Variants in ZC2HC1A observed in about 807,000 individuals in gnomAD.
The protein encoded by ZC2HC1A is zinc finger C2HC domain-containing protein 1A.
ZC2HC1A carries 28 observed loss-of-function variants against 40.7 expected under a neutral mutation model. The ratio of observed to expected loss-of-function variants is 0.69; its 90% CI spans 0.51 to 0.94. The LOEUF is 0.94. Among genes scored for constraint, ZC2HC1A ranks in the 40% least tolerant of loss-of-function variants. ZC2HC1A has a pLI of 0.00. For missense variants in ZC2HC1A, 389 were observed against 386.3 expected (o/e 1.01, Z -0.06); for synonymous variants, 129 against 129.2 (o/e 1.00, Z 0.01).
intron 8 of ZC2HC1A, among the ~76,000 whole-genome samples, chr8:78,717,097 G>A (rs971654181): frequency 6.6e-6 from 1 of 151,918 alleles, no homozygotes; most frequent in Non-Finnish European, 1.5e-5. Context: ...CAGAAAGCAT[G>A]GCTGCATTTG....
At chr8:78,680,347 G>A (rs1467046080) in intron 3 of ZC2HC1A, among the ~76,000 whole-genome samples, 2 of 149,392 alleles carry the variant, frequency 1.3e-5, no homozygotes, top group Non-Finnish European at 3.0e-5. Context: ...TGTATTAAGT[G>A]GTTTATTGCC....
chr8:78,710,652 G>GA (rs1171068106), intron 7 of ZC2HC1A, among the ~76,000 whole-genome samples: 2 of 151,940 alleles, frequency 1.3e-5, no homozygotes, highest in African/African-American at 2.4e-5. Flanking sequence ...CTGTTTGGAA[G>GA]AAAAATGTTT....
chr8:78,688,859 C>T (rs1810111538), intron 4 of ZC2HC1A, among the ~76,000 whole-genome samples: 1 of 151,900 alleles, frequency 6.6e-6, no homozygotes, highest in Non-Finnish European at 1.5e-5. Flanking sequence ...TTATTACTTC[C>T]TAACTAGTCT....
At chr8:78,679,938 G>A (rs72661314) in intron 3 of ZC2HC1A, among the ~76,000 whole-genome samples, 12 of 152,256 alleles carry the variant, frequency 7.9e-5, no homozygotes, top group Non-Finnish European at 1.8e-4. Flanking sequence ...TGCTTCGGTA[G>A]ATAAAATTGC....
chr8:78,687,492 G>A lies in ZC2HC1A; in HGVS notation c.352+884G>A, dbSNP rs1810028263. Reference sequence around the variant, plus strand: ...TATATATTTATATATAATTATATATGTTTATATAATAAATTATATATATTT... The same window carrying A: ...TATATATTTATATATAATTATATATATTTATATAATAAATTATATATATTT... On this transcript the variant is annotated intron_variant, in intron 4 of 8. Coordinates refer to ENST00000263849, the MANE Select transcript of ZC2HC1A (RefSeq NM_016010.3). Among the ~76,000 whole-genome samples the A allele has an allele frequency of 1.2e-4, 17 of 140,712 alleles. No individual in the cohort carries two copies. The South Asian group carries it at 3.7e-3, about 31-fold the overall frequency. The allele number at this position is 140,712 out of a possible 152,430, so 92.3% of individuals were successfully genotyped here. A position where few individuals can be genotyped will look rare whatever the true frequency, so the allele number is the denominator to read the frequency against.
At chr8:78,704,999 A>C (rs746064360) in intron 7 of ZC2HC1A, among the ~76,000 whole-genome samples, 1 of 152,174 alleles carries the variant, frequency 6.6e-6, no homozygotes, top group Non-Finnish European at 1.5e-5. Flanking sequence ...TTGCTCCTGC[A>C]GTGTTTTATC....
intron 3 of ZC2HC1A, among the ~76,000 whole-genome samples, chr8:78,683,449 C>G (rs1452466850): frequency 2.0e-5 from 3 of 152,224 alleles, no homozygotes; most frequent in African/African-American, 7.2e-5. Flanking sequence ...TTTGGGCTTG[C>G]ACCTCTGAAG....
chr8:78,710,337 G>A (rs1323272653), intron 7 of ZC2HC1A, among the ~76,000 whole-genome samples: 1 of 152,042 alleles, frequency 6.6e-6, no homozygotes, highest in Non-Finnish European at 1.5e-5. Flanking sequence ...TATAATACAA[G>A]TATGGTTAAA....
Position 78,719,408 on chromosome 8 carries a change from T to C in ZC2HC1A, c.*1915T>C, listed in dbSNP as rs1807067592. The C allele has an allele frequency of 6.6e-6, 1 of 151,678 alleles. No homozygotes were observed. Among genetic ancestry groups the C allele is most frequent in the Non-Finnish European group, 1.5e-5 (1 of 67,656 alleles). 9.4% of individuals were successfully genotyped at this position (151,678 alleles called of 1,614,324 possible). A position where few individuals can be genotyped will look rare whatever the true frequency, so the allele number is the denominator to read the frequency against. On this transcript the variant is annotated 3_prime_UTR_variant, in exon 9 of 9. Coordinates refer to ENST00000263849, the MANE Select transcript of ZC2HC1A (RefSeq NM_016010.3). ...TCCAGAGCCCAGAGATTATAAACAG[T>C]AGGTGAAATAGATTTATGACTTACG...
At chr8:78,701,088 C>T (rs1472977744) in intron 7 of ZC2HC1A, among the ~76,000 whole-genome samples, 1 of 152,102 alleles carries the variant, frequency 6.6e-6, no homozygotes, top group African/African-American at 2.4e-5. Flanking sequence ...TAGGCAGTAT[C>T]ACCATTTTAA....
At chr8:78,687,412 G>T (rs1810021917) in intron 4 of ZC2HC1A, among the ~76,000 whole-genome samples, 1 of 148,208 alleles carries the variant, frequency 6.7e-6, no homozygotes, top group Non-Finnish European at 1.5e-5. Context: ...GATTTTATAT[G>T]CCATAAGGTT....
chr8:78,696,957 C>CTCA, intron 5 of ZC2HC1A, among the ~76,000 whole-genome samples: 2 of 152,124 alleles, frequency 1.3e-5, no homozygotes. Flanking sequence ...AAGTTTTTTC[C>CTCA]GTTAGACCTT....
At chr8:78,696,405 G>A (rs2130536844) in intron 5 of ZC2HC1A, among the ~76,000 whole-genome samples, 1 of 152,256 alleles carries the variant, frequency 6.6e-6, no homozygotes. Context: ...ATGCAAGTAT[G>A]ATTTTCACCT....
At position 78,717,742 on chromosome 8, in the gene ZC2HC1A, A is replaced by G; in HGVS notation, c.*249A>G. On this transcript the variant is annotated 3_prime_UTR_variant, in exon 9 of 9. Transcript: ENST00000263849. ...GAAATATTCACTTATCTGTCAGAAAATAATTTCAAATGGAACAATTAATTT... is the reference window on the plus strand; with the variant it reads ...GAAATATTCACTTATCTGTCAGAAAGTAATTTCAAATGGAACAATTAATTT... 1 of 267,804 alleles carries G rather than the reference A, an allele frequency of 3.7e-6. No homozygotes were observed. Among genetic ancestry groups the G allele is most frequent in the Non-Finnish European group, 7.0e-6 (1 of 143,324 alleles). 16.6% of individuals were successfully genotyped at this position (267,804 alleles called of 1,614,324 possible).
chr8:78,710,887 A>G (rs778945850), intron 7 of ZC2HC1A, among the ~76,000 whole-genome samples: 5 of 152,174 alleles, frequency 3.3e-5, no homozygotes, highest in Non-Finnish European at 7.4e-5. Context: ...CCTGCTATGT[A>G]TAAGCTACTG....
chr8:78,713,569 A>G (rs1016245251), intron 7 of ZC2HC1A, among the ~76,000 whole-genome samples: 1 of 152,160 alleles, frequency 6.6e-6, no homozygotes, highest in African/African-American at 2.4e-5. Flanking sequence ...AACATCCCCA[A>G]AGAGGCTATA....
At chr8:78,689,093 A>G (rs1331868104) in intron 4 of ZC2HC1A, 129 bp from the exon 5 acceptor site, 1 of 552,882 alleles carries the variant, frequency 1.8e-6, no homozygotes, top group East Asian at 3.7e-5. Flanking sequence ...AGTTATAAGG[A>G]TATGGGAATT....
chr8:78,710,190 G>A lies in ZC2HC1A; in HGVS notation c.705-5031G>A, dbSNP rs1459938364. Among the ~76,000 whole-genome samples, 4 of 152,084 alleles carry A rather than the reference G, an allele frequency of 2.6e-5. No individual in the cohort carries two copies. In the East Asian group the frequency reaches 7.7e-4, roughly 29 times the overall value. Reference sequence around the variant, plus strand: ...AGATTTATAGATTTTGTTTTTGATAGCCTAATGGCAACTTAGAATGTAAGT... The same window carrying A: ...AGATTTATAGATTTTGTTTTTGATAACCTAATGGCAACTTAGAATGTAAGT... On this transcript the variant is annotated intron_variant, in intron 7 of 8. Coordinates refer to ENST00000263849, the MANE Select transcript of ZC2HC1A (RefSeq NM_016010.3).
Position 78,710,136 on chromosome 8 carries a change from TTA to T in ZC2HC1A, c.705-5081_705-5080del, listed in dbSNP as rs1418669706. 3.9e-5 allele frequency among the ~76,000 whole-genome samples: 6 copies of T among 152,312 alleles called. No individual in the cohort carries two copies. In the East Asian group the frequency reaches 1.2e-3, roughly 29 times the overall value. The stretch of plus-strand genomic sequence containing the variant: ...AGTATTTTGAAGGCCTGTGAAAGTA[TTA>T]TATGTATAAAATCTTGATTGTTATT... On this transcript the variant is annotated intron_variant, in intron 7 of 8. Coordinates refer to ENST00000263849, the MANE Select transcript of ZC2HC1A (RefSeq NM_016010.3).
Sources: allele counts gnomAD v4.1 joint callset (sites outside exome capture counted in the v4.1 genomes callset), GRCh38; gene constraint gnomAD v4.1.1; transcripts MANE v1.5; gene names NCBI Gene and HGNC (gene_info 2026-07-23, HGNC 2026-07-21).